Variants in RTN4R observed in about 807,000 individuals in gnomAD.
RTN4R encodes reticulon-4 receptor.
Under a neutral mutation model 27.7 loss-of-function variants are expected in RTN4R, and 4 were observed. That is an observed-to-expected ratio of 0.14 (90% CI 0.07 to 0.33). The LOEUF (loss-of-function observed/expected upper bound fraction) is 0.33. RTN4R is among the 10% of genes least tolerant of loss of function. The pLI is 1.00. For synonymous variants in RTN4R, 290 were observed against 305.6 expected (o/e 0.95, Z 0.53); for missense variants, 554 against 671.5 (o/e 0.83, Z 1.93).
In RTN4R at chr22:20,266,908, C is replaced by T. The variant is rs545863168; in HGVS notation, c.22+1163G>A. On this transcript the variant is annotated intron_variant, in intron 1 of 1. Transcript: ENST00000043402. Reference sequence around the variant, plus strand: ...CACGCACACAAGCCCGAGGCGGGGACCCCCAGGACACGGAGGCAGGCAGGC... The same window carrying T: ...CACGCACACAAGCCCGAGGCGGGGATCCCCAGGACACGGAGGCAGGCAGGC... Among the ~76,000 whole-genome samples, 188 of 152,356 alleles carry T rather than the reference C, an allele frequency of 1.2e-3. 1 individual carries two copies. Among genetic ancestry groups the T allele is most frequent in the African/African-American group, 4.4e-3 (182 of 41,588 alleles).
intron 1 of RTN4R, among the ~76,000 whole-genome samples, chr22:20,263,038 C>T (rs145542169): frequency 0.025 from 3,884 of 152,356 alleles, 83 homozygotes; most frequent in Non-Finnish European, 0.04. Flanking sequence ...CCTTCCTTGA[C>T]GGGCCCCTCA....
chr22:20,245,135 C>T (rs2051132388), intron 1 of RTN4R, among the ~76,000 whole-genome samples: 1 of 152,204 alleles, frequency 6.6e-6, no homozygotes, highest in South Asian at 2.1e-4. Flanking sequence ...CAGAACTGAG[C>T]CACACGGTGG....
At chr22:20,259,748 C>T (rs921968646) in intron 1 of RTN4R, among the ~76,000 whole-genome samples, 1 of 152,134 alleles carries the variant, frequency 6.6e-6, no homozygotes, top group African/African-American at 2.4e-5. Context: ...CTTTCATGAG[C>T]GGTCAATGTG....
Position 20,241,702 on chromosome 22 carries a change from C to G in RTN4R, c.*9G>C. ...TGGCTGCTGAGCACGCTCTTGTGTC[C>G]GCTGGGGGTCAGCAGGGCCCAAGCA... On this transcript the variant is annotated 3_prime_UTR_variant, in exon 2 of 2. Coordinates refer to ENST00000043402, the MANE Select transcript of RTN4R (RefSeq NM_023004.6). 1 of 1,549,256 alleles carries G rather than the reference C, an allele frequency of 6.5e-7. No individual in the cohort carries two copies. Among genetic ancestry groups the G allele is most frequent in the Non-Finnish European group, 8.7e-7 (1 of 1,146,706 alleles).
At position 20,241,623 on chromosome 22, in the gene RTN4R, C is replaced by A; in HGVS notation, c.*88G>T. 6.8e-7 allele frequency: 1 copy of A among 1,465,554 alleles called. No individual in the cohort carries two copies. The highest frequency in any genetic ancestry group is 9.3e-7 in the Non-Finnish European group (1 of 1,076,718). The allele number at this position is 1,465,554 out of a possible 1,614,324, so 90.8% of individuals were successfully genotyped here. ...ACCTGGCCTGGCCTGCCCCACGGGTCGGCCGCCCGGCTGGCTTGGCGGCGT... is the reference window on the plus strand; with the variant it reads ...ACCTGGCCTGGCCTGCCCCACGGGTAGGCCGCCCGGCTGGCTTGGCGGCGT... On this transcript the variant is annotated 3_prime_UTR_variant, in exon 2 of 2. Coordinates refer to ENST00000043402, the MANE Select transcript of RTN4R (RefSeq NM_023004.6).
chr22:20,246,034 C>A (rs1259274931), intron 1 of RTN4R, among the ~76,000 whole-genome samples: 1 of 152,242 alleles, frequency 6.6e-6, no homozygotes, highest in African/African-American at 2.4e-5. Flanking sequence ...CCTCTCCCAC[C>A]CTCCCAGGCC....
chr22:20,244,344 C>T (rs921644271), intron 1 of RTN4R, among the ~76,000 whole-genome samples: 1 of 152,224 alleles, frequency 6.6e-6, no homozygotes, highest in Non-Finnish European at 1.5e-5. Context: ...GGCCCCTGCC[C>T]CACTGGGTCC....
chr22:20,265,381 G>A (rs549612742), intron 1 of RTN4R, among the ~76,000 whole-genome samples: 10 of 152,202 alleles, frequency 6.6e-5, no homozygotes, highest in Non-Finnish European at 1.0e-4. Flanking sequence ...CCACCTTCCA[G>A]GGCCCCAGCC....
At chr22:20,243,147 AG>A in intron 1 of RTN4R, 37 bp from the exon 2 acceptor site, 1 of 1,589,320 alleles carries the variant, frequency 6.3e-7, no homozygotes, top group Non-Finnish European at 8.5e-7. Flanking sequence ...CAGGAAGGGC[AG>A]GGGTACTGGA....
rs8139225 is a variant in RTN4R, at chr22:20,260,611, G to A, written c.22+7460C>T. Among the ~76,000 whole-genome samples, 884 of 152,284 alleles carry A rather than the reference G, an allele frequency of 5.8e-3. 5 individuals carry two copies. Among genetic ancestry groups the A allele is most frequent in the African/African-American group, 0.02 (818 of 41,552 alleles). On this transcript the variant is annotated intron_variant, in intron 1 of 1. Transcript: ENST00000043402. The stretch of plus-strand genomic sequence containing the variant: ...GTGAGTTCCCCAGGTAGGTGGAAGG[G>A]GCTTCTGGGGTAGGGGCCACGCCCG...
intron 1 of RTN4R, among the ~76,000 whole-genome samples, chr22:20,265,879 C>T (rs1162900642): frequency 1.3e-5 from 2 of 152,190 alleles, no homozygotes; most frequent in African/African-American, 4.8e-5. Context: ...CTGGAAGTGC[C>T]CCGATAATCC....
rs2051209983 is a variant in RTN4R, at chr22:20,255,946, G to T, written c.22+12125C>A. On this transcript the variant is annotated intron_variant, in intron 1 of 1. Transcript: ENST00000043402. This position sits in a 1 kb window ranked among gnomAD's most constrained non-coding sequence, Gnocchi z 4.8. ...GCAGCGGCGACGTGAATAAGTAATT[G>T]CTCTTTTATTAACAAGTGATAAATT... Among the ~76,000 whole-genome samples, 1 of 152,234 alleles carries T rather than the reference G, an allele frequency of 6.6e-6. No individual in the cohort carries two copies. The highest frequency in any genetic ancestry group is 2.1e-4 in the South Asian group (1 of 4,834).
Position 20,241,699 on chromosome 22 carries a change from G to A in RTN4R, c.*12C>T, listed in dbSNP as rs1264446280. 2.3e-5 allele frequency: 36 copies of A among 1,549,154 alleles called. No individual in the cohort carries two copies. The highest frequency in any genetic ancestry group is 3.1e-5 in the Non-Finnish European group (36 of 1,146,688). On this transcript the variant is annotated 3_prime_UTR_variant, in exon 2 of 2. Transcript: ENST00000043402. Reference sequence around the variant, plus strand: ...ACCTGGCTGCTGAGCACGCTCTTGTGTCCGCTGGGGGTCAGCAGGGCCCAA... The same window carrying A: ...ACCTGGCTGCTGAGCACGCTCTTGTATCCGCTGGGGGTCAGCAGGGCCCAA...
At chr22:20,256,701 C>A (rs1447485784) in intron 1 of RTN4R, among the ~76,000 whole-genome samples, 2 of 152,248 alleles carry the variant, frequency 1.3e-5, no homozygotes, top group Non-Finnish European at 2.9e-5. Context: ...CATGCCCCGT[C>A]CCGCTCACTC....
At chr22:20,254,607 G>A (rs776003122) in intron 1 of RTN4R, among the ~76,000 whole-genome samples, 6 of 151,752 alleles carry the variant, frequency 4.0e-5, no homozygotes, top group Non-Finnish European at 8.8e-5. Context: ...GAAGACTTCC[G>A]GAATGATTCT....
chr22:20,247,595 T>C (rs2051149492), intron 1 of RTN4R, among the ~76,000 whole-genome samples: 2 of 151,698 alleles, frequency 1.3e-5, no homozygotes, highest in African/African-American at 4.8e-5. Flanking sequence ...GTGTTTCCTG[T>C]GCCCTTCCAG....
chr22:20,248,308 C>T (rs1602641046), intron 1 of RTN4R, among the ~76,000 whole-genome samples: 1 of 152,186 alleles, frequency 6.6e-6, no homozygotes. Context: ...AGTCTCATGG[C>T]CCCAGGGGTG....
chr22:20,250,710 A>G (rs1445886968), intron 1 of RTN4R, among the ~76,000 whole-genome samples: 1 of 152,222 alleles, frequency 6.6e-6, no homozygotes, highest in Non-Finnish European at 1.5e-5. Context: ...AGGTCAAAAC[A>G]GAAATGATCA....
At chr22:20,251,586 CACT>C (rs1194233858) in intron 1 of RTN4R, among the ~76,000 whole-genome samples, 2 of 149,424 alleles carry the variant, frequency 1.3e-5, no homozygotes, top group Non-Finnish European at 3.0e-5. Flanking sequence ...TCATCACCAC[CACT>C]ATCATCATTA....
Sources: allele counts gnomAD v4.1 joint callset (sites outside exome capture counted in the v4.1 genomes callset), GRCh38; gene constraint gnomAD v4.1.1; non-coding constraint Gnocchi (gnomAD v3.1); transcripts MANE v1.5; gene names NCBI Gene and HGNC (gene_info 2026-07-23, HGNC 2026-07-21).